Variants in ITPR1 observed in about 807,000 individuals in gnomAD.
ITPR1 encodes inositol 1,4,5-trisphosphate-gated calcium channel ITPR1.
In ITPR1, 96 loss-of-function variants were observed where a neutral mutation model predicts 318.4. The ratio of observed to expected loss-of-function variants is 0.30; its 90% CI spans 0.26 to 0.36. The LOEUF (loss-of-function observed/expected upper bound fraction) is 0.36. ITPR1 is among the 10% of genes least tolerant of loss of function. The pLI, the probability that ITPR1 is intolerant of heterozygous loss-of-function variation, is 1.00. For missense variants in ITPR1, 2,440 were observed against 3,460.2 expected (o/e 0.71, Z 7.40); for synonymous variants, 1,312 against 1,289.9 (o/e 1.02, Z -0.37).
chr3:4,690,051 C>T (rs1303780742), intron 31 of ITPR1, among the ~76,000 whole-genome samples: 20 of 152,120 alleles, frequency 1.3e-4, no homozygotes, highest in East Asian at 7.7e-4. Flanking sequence ...CCAAGGCAGG[C>T]GGATCACTTG....
At chr3:4,720,748 A>G (rs1462328769) in intron 40 of ITPR1, among the ~76,000 whole-genome samples, 1 of 152,008 alleles carries the variant, frequency 6.6e-6, no homozygotes, top group East Asian at 1.9e-4. Flanking sequence ...GACTTCTCCT[A>G]CTTGAGCTGC....
At chr3:4,632,638 A>T (rs1227839066) in intron 5 of ITPR1, among the ~76,000 whole-genome samples, 1 of 152,166 alleles carries the variant, frequency 6.6e-6, no homozygotes, top group Non-Finnish European at 1.5e-5. Flanking sequence ...CTCAACACCA[A>T]AAGAAATGGC....
At chr3:4,537,890 T>C (rs942650526) in intron 4 of ITPR1, among the ~76,000 whole-genome samples, 2 of 152,250 alleles carry the variant, frequency 1.3e-5, no homozygotes, top group South Asian at 4.1e-4. Context: ...ATTGTCCTAA[T>C]ATTGTTTATT....
intron 61 of ITPR1, among the ~76,000 whole-genome samples, chr3:4,844,744 TCTTAATTAAAAG>T (rs2051631564): frequency 6.6e-6 from 1 of 152,216 alleles, no homozygotes; most frequent in South Asian, 2.1e-4. Flanking sequence ...CTAATCCAAT[TCTTAATTAAAAG>T]CTTTATTAAA....
At chr3:4,739,591 G>C (rs780113288) in intron 44 of ITPR1, among the ~76,000 whole-genome samples, 2 of 152,016 alleles carry the variant, frequency 1.3e-5, no homozygotes, top group Non-Finnish European at 2.9e-5. Context: ...GACTTACTCA[G>C]AGTTCCAGAG....
chr3:4,560,618 G>C (rs1190510123), intron 4 of ITPR1, among the ~76,000 whole-genome samples: 1 of 152,142 alleles, frequency 6.6e-6, no homozygotes, highest in Non-Finnish European at 1.5e-5. Context: ...AGAGAGAACT[G>C]GATTTGGACT....
intron 2 of ITPR1, among the ~76,000 whole-genome samples, chr3:4,505,178 T>A (rs910340821): frequency 1.3e-5 from 2 of 152,162 alleles, no homozygotes; most frequent in Non-Finnish European, 2.9e-5. Flanking sequence ...CTTTGCTGCC[T>A]AACTTTAAAG....
chr3:4,839,468 A>G (rs372851129), intron 61 of ITPR1, among the ~76,000 whole-genome samples: 12 of 152,206 alleles, frequency 7.9e-5, no homozygotes, highest in Non-Finnish European at 1.6e-4. Context: ...GCTCCTGATC[A>G]TCCAGTCAGG....
intron 51 of ITPR1, among the ~76,000 whole-genome samples, chr3:4,784,844 C>T (rs1230360103): frequency 6.6e-6 from 1 of 151,854 alleles, no homozygotes; most frequent in Non-Finnish European, 1.5e-5. Context: ...TTGCAGTGGG[C>T]CAAGATCGCA....
chr3:4,615,025 G>C (rs978905383), intron 4 of ITPR1, among the ~76,000 whole-genome samples: 1 of 152,184 alleles, frequency 6.6e-6, no homozygotes, highest in African/African-American at 2.4e-5. Context: ...ATAGCTCACA[G>C]AATCAATAAG....
At chr3:4,648,226 A>G (rs1348455303) in intron 10 of ITPR1, among the ~76,000 whole-genome samples, 1 of 151,920 alleles carries the variant, frequency 6.6e-6, no homozygotes, top group African/African-American at 2.4e-5. Context: ...AAAGGAATCT[A>G]TATAAAGTTT....
chr3:4,559,881 T>C (rs2086503109), intron 4 of ITPR1, among the ~76,000 whole-genome samples: 1 of 152,158 alleles, frequency 6.6e-6, no homozygotes, highest in Admixed American at 6.6e-5. Flanking sequence ...CTAAACTGTA[T>C]AGGGCCTCCC....
chr3:4,516,723 C>A, intron 3 of ITPR1, 140 bp downstream of exon 3: 2 of 661,328 alleles, frequency 3.0e-6, no homozygotes, highest in Non-Finnish European at 5.4e-6. Flanking sequence ...AACACCAAAT[C>A]TCATGTTAGC....
chr3:4,818,111 A>G lies in ITPR1; in HGVS notation c.7897A>G (p.Thr2633Ala). The stretch of plus-strand genomic sequence containing the variant: ...GGAAAGAGACAAGTTTGACAACAAG[A>G]CTGTCACCTTTGAAGAGCACATCAA... ...GLERDKFDNKTVTFEEHIKEE... is the reference protein window; with the variant it reads ...GLERDKFDNKAVTFEEHIKEE... Residue 2633 changes from threonine (T) to alanine (A), a missense_variant, in exon 60 of 62, where the codon ACT becomes GCT. Physicochemically the swap from Thr to Ala is moderately conservative, Grantham distance 58 (BLOSUM62 0). This residue lies in a region of ITPR1 where 72 missense variants were observed against 197.7 expected (regional missense o/e 0.36). Coordinates refer to ENST00000649015, the MANE Select transcript of ITPR1 (RefSeq NM_001378452.1). 6.2e-7 allele frequency: 1 copy of G among 1,604,818 alleles called. No homozygotes were observed. The highest frequency in any genetic ancestry group is 8.5e-7 in the Non-Finnish European group (1 of 1,173,114).
At chr3:4,837,353 TA>T (rs1303339717) in intron 61 of ITPR1, among the ~76,000 whole-genome samples, 1 of 152,106 alleles carries the variant, frequency 6.6e-6, no homozygotes, top group Non-Finnish European at 1.5e-5. Context: ...CCCATATATT[TA>T]AATTCAGCAT....
chr3:4,619,380 C>G (rs1286022812), intron 4 of ITPR1, among the ~76,000 whole-genome samples: 1 of 152,090 alleles, frequency 6.6e-6, no homozygotes, highest in Non-Finnish European at 1.5e-5. Context: ...TTGTATTGGA[C>G]CTATGGATTG....
chr3:4,509,110 T>C (rs2081609582), intron 2 of ITPR1, among the ~76,000 whole-genome samples: 2 of 152,364 alleles, frequency 1.3e-5, no homozygotes, highest in South Asian at 4.1e-4. Flanking sequence ...GACCACTTTA[T>C]GTGGATTATT....
intron 39 of ITPR1, among the ~76,000 whole-genome samples, chr3:4,717,095 C>A (rs1178567292): frequency 6.6e-6 from 1 of 152,230 alleles, no homozygotes; most frequent in Non-Finnish European, 1.5e-5. Flanking sequence ...AGCAAGCACA[C>A]GGCTGTCTGC....
At chr3:4,586,604 G>A (rs372358443) in intron 4 of ITPR1, among the ~76,000 whole-genome samples, 2 of 149,932 alleles carry the variant, frequency 1.3e-5, no homozygotes, top group African/African-American at 4.9e-5. Flanking sequence ...TGACCTCCCT[G>A]GCTCAAGCCA....
Sources: gnomAD v4.1 joint callset for allele counts (sites outside exome capture counted in the v4.1 genomes callset) on GRCh38, gnomAD v4.1.1 for gene constraint, gnomAD v4.1.1 regional missense constraint, MANE v1.5 for transcripts, NCBI Gene and HGNC (gene_info 2026-07-23, HGNC 2026-07-21) for gene names.